Variants in NEURL1 observed in about 807,000 individuals in gnomAD.
The protein encoded by NEURL1 is E3 ubiquitin-protein ligase NEURL1.
A neutral mutation model predicts 41.2 loss-of-function variants in NEURL1; 26 were observed. That is an observed-to-expected ratio of 0.63 (90% CI 0.46 to 0.87). The LOEUF (loss-of-function observed/expected upper bound fraction) is 0.87. Among genes scored for constraint, NEURL1 ranks in the 40% least tolerant of loss-of-function variants. The pLI, the probability that NEURL1 is intolerant of heterozygous loss-of-function variation, is 0.00. For synonymous variants in NEURL1, 400 were observed against 402.3 expected (o/e 0.99, Z 0.07); for missense variants, 761 against 871.1 (o/e 0.87, Z 1.59).
At chr10:103,544,499 G>C (rs2034887961) in intron 1 of NEURL1, among the ~76,000 whole-genome samples, 1 of 152,218 alleles carries the variant, frequency 6.6e-6, no homozygotes, top group African/African-American at 2.4e-5. Context: ...TCCTGGTTCA[G>C]AGATAAAGTG....
At chr10:103,534,613 T>C (rs2034652538) in intron 1 of NEURL1, among the ~76,000 whole-genome samples, 1 of 152,312 alleles carries the variant, frequency 6.6e-6, no homozygotes, top group Non-Finnish European at 1.5e-5. Context: ...GTCCTCAGTG[T>C]TGAGGGCTCT....
intron 1 of NEURL1, among the ~76,000 whole-genome samples, chr10:103,530,012 A>G (rs1362782591): frequency 6.6e-6 from 1 of 152,224 alleles, no homozygotes; most frequent in Non-Finnish European, 1.5e-5. Flanking sequence ...CTCCACAGCC[A>G]GAGCAGCCTC....
intron 3 of NEURL1, among the ~76,000 whole-genome samples, chr10:103,572,623 G>T (rs1384584280): frequency 6.6e-6 from 1 of 152,228 alleles, no homozygotes; most frequent in Non-Finnish European, 1.5e-5. Flanking sequence ...ACTTCCTAGG[G>T]TCACACAGTA....
At chr10:103,543,928 G>C (rs1169115450) in intron 1 of NEURL1, among the ~76,000 whole-genome samples, 1 of 152,190 alleles carries the variant, frequency 6.6e-6, no homozygotes, top group Admixed American at 6.5e-5. Flanking sequence ...GGTGGGGTAG[G>C]GGGGGTCATG....
intron 1 of NEURL1, among the ~76,000 whole-genome samples, chr10:103,517,595 T>C (rs990229985): frequency 2.0e-5 from 3 of 152,214 alleles, no homozygotes; most frequent in Non-Finnish European, 4.4e-5. Context: ...TCTGAGTTGA[T>C]AGGACTGGAA....
chr10:103,572,320 C>G (rs951812565), intron 3 of NEURL1, among the ~76,000 whole-genome samples: 17 of 152,250 alleles, frequency 1.1e-4, no homozygotes, highest in African/African-American at 4.1e-4. Context: ...GTCTCCAGCT[C>G]TAAAGCCAGC....
chr10:103,498,970 T>C (rs1467556902), intron 1 of NEURL1, among the ~76,000 whole-genome samples: 1 of 152,210 alleles, frequency 6.6e-6, no homozygotes, highest in Non-Finnish European at 1.5e-5. Flanking sequence ...TACCTTTTGG[T>C]TTTCATGAAT....
intron 1 of NEURL1, among the ~76,000 whole-genome samples, chr10:103,548,638 T>C (rs2133866708): frequency 6.6e-6 from 1 of 152,332 alleles, no homozygotes; most frequent in South Asian, 2.1e-4. Context: ...CTTAGTGCTA[T>C]ATGCATATCC....
intron 3 of NEURL1, chr10:103,577,995 G>A (rs970746524): frequency 6.6e-6 from 1 of 152,166 alleles, no homozygotes; most frequent in Admixed American, 6.6e-5. Flanking sequence ...ATTGTACTGG[G>A]GCCTTGGAGA....
At position 103,516,936 on chromosome 10, in the gene NEURL1, A is replaced by G. The variant is rs1376538140; in HGVS notation, c.85+22464A>G. 7.0e-5 allele frequency among the ~76,000 whole-genome samples: 9 copies of G among 128,222 alleles called. No homozygotes were observed. In the East Asian group the frequency reaches 2.0e-3, roughly 29 times the overall value. 84.1% of individuals were successfully genotyped at this position (128,222 alleles called of 152,430 possible). A position where few individuals can be genotyped will look rare whatever the true frequency, so the allele number is the denominator to read the frequency against. On this transcript the variant is annotated intron_variant, in intron 1 of 5. Coordinates refer to ENST00000369780, the MANE Select transcript of NEURL1 (RefSeq NM_004210.5). ...TTTGGAAGAAAAACCTGGAATACTT[A>G]CACTTCCTGATTTATTTCCTTTCCT...
intron 1 of NEURL1, among the ~76,000 whole-genome samples, chr10:103,532,299 G>GT (rs1269342572): frequency 6.6e-6 from 1 of 151,992 alleles, no homozygotes; most frequent in African/African-American, 2.4e-5. Flanking sequence ...TTGGGTTTTT[G>GT]TTTTTTTGGT....
chr10:103,584,170 C>T (rs2035844912), intron 3 of NEURL1, among the ~76,000 whole-genome samples: 1 of 152,092 alleles, frequency 6.6e-6, no homozygotes, highest in Non-Finnish European at 1.5e-5. Context: ...TGGCGCTGTT[C>T]TAGCTGCTAG....
chr10:103,583,960 C>G (rs762344860), intron 3 of NEURL1, among the ~76,000 whole-genome samples: 18 of 151,984 alleles, frequency 1.2e-4, no homozygotes, highest in South Asian at 2.1e-4. Flanking sequence ...AAAAGGGTAT[C>G]TTGGATAGAT....
At chr10:103,497,620 TG>T (rs1391925599) in intron 1 of NEURL1, among the ~76,000 whole-genome samples, 1 of 152,218 alleles carries the variant, frequency 6.6e-6, no homozygotes, top group Admixed American at 6.5e-5. Flanking sequence ...GTCTTCTTCC[TG>T]GGAACACACT....
intron 1 of NEURL1, among the ~76,000 whole-genome samples, chr10:103,500,177 G>C (rs1288382781): frequency 6.6e-6 from 1 of 152,154 alleles, no homozygotes; most frequent in African/African-American, 2.4e-5. Flanking sequence ...TTGGTTTTCA[G>C]TTCGGTTTTA....
chr10:103,584,435 T>A, intron 3 of NEURL1, 101 bp from the exon 4 acceptor site: 10 of 617,674 alleles, frequency 1.6e-5, no homozygotes, highest in Admixed American at 4.7e-5. Flanking sequence ...CCATTAGCCA[T>A]CCGGGATTGT....
At chr10:103,522,800 C>T (rs2034383217) in intron 1 of NEURL1, among the ~76,000 whole-genome samples, 1 of 152,052 alleles carries the variant, frequency 6.6e-6, no homozygotes, top group South Asian at 2.1e-4. Flanking sequence ...GGTTGGAATT[C>T]CCTGAGTACC....
At chr10:103,496,878 A>G (rs996203955) in intron 1 of NEURL1, among the ~76,000 whole-genome samples, 3 of 152,100 alleles carry the variant, frequency 2.0e-5, no homozygotes, top group Non-Finnish European at 2.9e-5. Context: ...GAGAGCTCCC[A>G]ACTAATTGCA....
In NEURL1 at chr10:103,584,693, C is replaced by T. The variant is rs753816354; in HGVS notation, c.807C>T (p.Ala269=). Residue 269 remains alanine, a synonymous_variant, in exon 4 of 6, where the codon GCC becomes GCT. Coordinates refer to ENST00000369780, the MANE Select transcript of NEURL1 (RefSeq NM_004210.5). ...ACGGCGACGAGGCCGCGCCGGCCGC[C>T]GGCTGCCCCATCCCGCAGAACTCAC... ...GADGDEAAPA[A]GCPIPQNSLN... The T allele has an allele frequency of 4.2e-6, 6 of 1,442,286 alleles. No homozygotes were observed. The highest frequency in any genetic ancestry group is 2.7e-5 in the Admixed American group (1 of 36,706). The allele number at this position is 1,442,286 out of a possible 1,614,324, so 89.3% of individuals were successfully genotyped here.
Sources: allele counts gnomAD v4.1 joint callset (sites outside exome capture counted in the v4.1 genomes callset), GRCh38; gene constraint gnomAD v4.1.1; transcripts MANE v1.5; gene names NCBI Gene and HGNC (gene_info 2026-07-23, HGNC 2026-07-21).